PDIA5: variants seen among roughly 807,000 people sequenced by gnomAD.
PDIA5 encodes the protein protein disulfide-isomerase A5.
A neutral mutation model predicts 77.6 loss-of-function variants in PDIA5; 58 were observed. The observed-to-expected ratio is 0.75, with a 90% confidence interval of 0.61 to 0.93. The LOEUF (loss-of-function observed/expected upper bound fraction) is 0.93, where lower values mean the gene tolerates loss of function less well. Among genes scored for constraint, PDIA5 ranks in the 40% least tolerant of loss-of-function variants. The probability of loss-of-function intolerance (pLI) is 0.00; values close to 1 mark genes in which losing one functional copy is unlikely to be tolerated. For missense variants in PDIA5, 630 were observed against 647.7 expected (o/e 0.97, Z 0.30); for synonymous variants, 250 against 252.1 (o/e 0.99, Z 0.08).
At chr3:123,111,428 C>T (rs1340348416) in intron 7 of PDIA5, among the ~76,000 whole-genome samples, 2 of 152,258 alleles carry the variant, frequency 1.3e-5, no homozygotes, top group Non-Finnish European at 2.9e-5. Context: ...CTGGCTCCCG[C>T]ATCCTCTGCT....
At chr3:123,073,058 G>A (rs1436419449) in intron 1 of PDIA5, among the ~76,000 whole-genome samples, 2 of 152,354 alleles carry the variant, frequency 1.3e-5, no homozygotes, top group East Asian at 3.9e-4. Context: ...CCATCTTTCA[G>A]CACTGCCTGG....
chr3:123,075,564 G>A (rs1196700674), intron 1 of PDIA5, among the ~76,000 whole-genome samples: 1 of 152,118 alleles, frequency 6.6e-6, no homozygotes, highest in East Asian at 1.9e-4. Flanking sequence ...AGCCTTTTTT[G>A]TGGTGGTTGT....
Position 123,092,384 on chromosome 3 carries a change from C to T in PDIA5, c.199C>T (p.Leu67=). The change falls in exon 3 of 17, where the codon CTG becomes TTG. Residue 67 remains leucine, a synonymous_variant. Transcript: ENST00000316218. ...GGCAGCTGAAAATCATCTCAGGTTA[C>T]TGTCCACAGTGGCCCAGGCGGTGAA... ...EVAAENHLRL[L]STVAQAVKGQ... 6.2e-7 allele frequency: 1 copy of T among 1,613,612 alleles called. No homozygotes were observed. The highest frequency in any genetic ancestry group is 8.5e-7 in the Non-Finnish European group (1 of 1,179,670).
chr3:123,135,118 T>C (rs9877911), intron 11 of PDIA5, among the ~76,000 whole-genome samples: 20,436 of 152,172 alleles, frequency 0.13, 1,435 homozygotes, highest in East Asian at 0.21. Flanking sequence ...TGTTTGTGTT[T>C]TTCTGCGGCG....
At chr3:123,104,562 C>T (rs1348686448) in intron 5 of PDIA5, among the ~76,000 whole-genome samples, 4 of 152,238 alleles carry the variant, frequency 2.6e-5, no homozygotes, top group South Asian at 2.1e-4. Flanking sequence ...CGCTGTGCCA[C>T]GGCACCTAGA....
Position 123,146,167 on chromosome 3 carries a change from A to G in PDIA5, c.1050A>G (p.Ser350=). ...CCCTGGCAGAAAGATTCCACATCTC[A>G]GAGTTTCCTACGTTGAAGTATTTTA... ...NKALAERFHI[S]EFPTLKYFKN... is the part of the protein sequence containing the mutation. The change falls in exon 13 of 17, where the codon TCA becomes TCG. Residue 350 remains serine, a synonymous_variant. Transcript: ENST00000316218. 1 of 1,614,068 alleles carries G rather than the reference A, an allele frequency of 6.2e-7. No individual in the cohort carries two copies. The highest frequency in any genetic ancestry group is 8.5e-7 in the Non-Finnish European group (1 of 1,179,874).
chr3:123,137,968 CAG>C (rs1935540782), intron 11 of PDIA5, among the ~76,000 whole-genome samples: 1 of 152,108 alleles, frequency 6.6e-6, no homozygotes, highest in Non-Finnish European at 1.5e-5. Flanking sequence ...GGATTTGAGA[CAG>C]GGTCTCACTC....
chr3:123,161,775 A>T, intron 16 of PDIA5, 105 bp from the exon 17 acceptor site: 1 of 802,548 alleles, frequency 1.2e-6, no homozygotes, highest in South Asian at 1.5e-5. Context: ...TCTCCCTGTC[A>T]TAGGAGTGAC....
rs565881082 is a variant in PDIA5, at chr3:123,146,064, G to T, written c.982-35G>T. ...GTGTTCCACCAGCACCGCATCTGAGGCTGTAATGCATGGTTGGCCTTTCCC... is the reference window on the plus strand; with the variant it reads ...GTGTTCCACCAGCACCGCATCTGAGTCTGTAATGCATGGTTGGCCTTTCCC... On this transcript the variant is annotated intron_variant, in intron 12 of 16. Coordinates refer to ENST00000316218, the MANE Select transcript of PDIA5 (RefSeq NM_006810.4). 6.2e-6 allele frequency: 10 copies of T among 1,605,386 alleles called. No homozygotes were observed. The African/African-American group carries it at 8.0e-5, about 13-fold the overall frequency.
At chr3:123,087,345 C>CT (rs142381326) in intron 1 of PDIA5, among the ~76,000 whole-genome samples, 8,486 of 148,584 alleles carry the variant, frequency 0.057, 414 homozygotes, top group African/African-American at 0.14. Flanking sequence ...TGATTTTCCT[C>CT]TTTTTTTTTT....
chr3:123,105,897 G>A (rs1053333710), intron 5 of PDIA5, among the ~76,000 whole-genome samples: 7 of 152,208 alleles, frequency 4.6e-5, no homozygotes, highest in African/African-American at 1.7e-4. Flanking sequence ...GAAGGGAAAG[G>A]GAATGCTGCT....
chr3:123,067,747 C>G (rs901994993), intron 1 of PDIA5, among the ~76,000 whole-genome samples: 1 of 152,224 alleles, frequency 6.6e-6, no homozygotes, highest in East Asian at 1.9e-4. Context: ...CGTAGCCCGC[C>G]CCGGCGGAGG....
Position 123,124,144 on chromosome 3 carries a change from A to G in PDIA5, c.688A>G (p.Ile230Val), listed in dbSNP as rs768075468. The G allele has an allele frequency of 1.2e-6, 2 of 1,613,492 alleles. No homozygotes were observed. The highest frequency in any genetic ancestry group is 1.7e-6 in the Non-Finnish European group (2 of 1,179,412). ...EEYSVRGFPT[I>V]CYFEKGRFLF... ...GTACAGCGTGCGCGGCTTCCCCACC[A>G]TCTGCTATTTTGAGTACGTCCCCCA... Residue 230 changes from isoleucine (I) to valine (V), a missense_variant, in exon 9 of 17, where the codon ATC (isoleucine) becomes GTC (valine). By Grantham distance (29) the Ile-to-Val change is conservative. Transcript: ENST00000316218.
At chr3:123,123,699 T>C (rs533183698) in intron 8 of PDIA5, among the ~76,000 whole-genome samples, 41 of 152,272 alleles carry the variant, frequency 2.7e-4, no homozygotes, top group African/African-American at 9.6e-4. Flanking sequence ...AACAGAGAAA[T>C]AGGCGTAACA....
At chr3:123,093,420 T>A (rs1445742344) in intron 3 of PDIA5, among the ~76,000 whole-genome samples, 1 of 152,206 alleles carries the variant, frequency 6.6e-6, no homozygotes, top group Non-Finnish European at 1.5e-5. Context: ...AGCTGTGCTC[T>A]GTGTGACTGG....
intron 14 of PDIA5, among the ~76,000 whole-genome samples, chr3:123,152,758 A>C (rs940046811): frequency 2.1e-4 from 32 of 152,108 alleles, no homozygotes; most frequent in African/African-American, 7.5e-4. Context: ...CTGCCCCTGC[A>C]TCCTGTCTCC....
At chr3:123,143,041 C>T (rs115141650) in intron 11 of PDIA5, among the ~76,000 whole-genome samples, 1,830 of 152,064 alleles carry the variant, frequency 0.012, 38 homozygotes, top group African/African-American at 0.042. Flanking sequence ...GATCCTTTTG[C>T]TTCATGGGGA....
intron 1 of PDIA5, among the ~76,000 whole-genome samples, chr3:123,087,700 T>C (rs548331144): frequency 6.6e-6 from 1 of 152,368 alleles, no homozygotes; most frequent in South Asian, 2.1e-4. Flanking sequence ...TTCTGGTCTC[T>C]GTCTTTTGTA....
intron 7 of PDIA5, among the ~76,000 whole-genome samples, chr3:123,115,969 T>G (rs1405689945): frequency 6.6e-6 from 1 of 152,234 alleles, no homozygotes; most frequent in Non-Finnish European, 1.5e-5. Context: ...TCCCATCATG[T>G]CATGTTTGTT....
Sources: allele counts gnomAD v4.1 joint callset (sites outside exome capture counted in the v4.1 genomes callset), GRCh38; gene constraint gnomAD v4.1.1; transcripts MANE v1.5; gene names NCBI Gene and HGNC (gene_info 2026-07-23, HGNC 2026-07-21).